TNS3: variants seen among roughly 807,000 people sequenced by gnomAD.
The protein encoded by TNS3 is tensin-3.
In TNS3, 45 loss-of-function variants were observed where a neutral mutation model predicts 140.9. That is an observed-to-expected ratio of 0.32 (90% CI 0.25 to 0.41). The LOEUF is 0.41. TNS3 is among the 10% of genes least tolerant of loss of function. TNS3 has a pLI of 1.00. For missense variants in TNS3, 1,716 were observed against 1,906.7 expected (o/e 0.90, Z 1.86); for synonymous variants, 815 against 788.4 (o/e 1.03, Z -0.56).
At chr7:47,422,319 G>T (rs376547911) in intron 10 of TNS3, among the ~76,000 whole-genome samples, 48 of 152,306 alleles carry the variant, frequency 3.2e-4, no homozygotes, top group Middle Eastern at 3.4e-3. Context: ...CCTGGGCATG[G>T]GAATGTGAGA....
At chr7:47,401,014 C>A (rs1793129721) in intron 13 of TNS3, 100 bp from the exon 14 acceptor site, 1 of 1,514,064 alleles carries the variant, frequency 6.6e-7, no homozygotes, top group South Asian at 1.2e-5. Context: ...CAGGGCCTCC[C>A]CTCTGGACTC....
intron 2 of TNS3, among the ~76,000 whole-genome samples, chr7:47,518,006 T>C (rs1798835605): frequency 6.6e-6 from 1 of 152,136 alleles, no homozygotes; most frequent in Admixed American, 6.5e-5. Flanking sequence ...CAGTCAACAA[T>C]AATCAATCAA....
intron 4 of TNS3, among the ~76,000 whole-genome samples, chr7:47,478,097 C>T (rs756813347): frequency 6.6e-6 from 1 of 152,214 alleles, no homozygotes; most frequent in Admixed American, 6.5e-5. Flanking sequence ...CCCAGAAAGG[C>T]AGGCATTTGC....
intron 23 of TNS3, among the ~76,000 whole-genome samples, chr7:47,298,819 C>T (rs1048671765): frequency 6.6e-6 from 1 of 152,248 alleles, no homozygotes; most frequent in Non-Finnish European, 1.5e-5. Context: ...TTTTCAATGT[C>T]TGCACCGTGG....
chr7:47,516,194 T>C (rs763702563), intron 2 of TNS3, among the ~76,000 whole-genome samples: 4 of 152,244 alleles, frequency 2.6e-5, no homozygotes, highest in Non-Finnish European at 5.9e-5. Context: ...GTGGTCTCTA[T>C]ATAGTCTATT....
chr7:47,307,692 T>C (rs2150744678), intron 20 of TNS3, among the ~76,000 whole-genome samples: 1 of 152,360 alleles, frequency 6.6e-6, no homozygotes, highest in South Asian at 2.1e-4. Flanking sequence ...CTTTATTAAT[T>C]ACTAATGATG....
At position 47,292,869 on chromosome 7, in the gene TNS3, G is replaced by A. The variant is rs373172661; in HGVS notation, c.3809C>T (p.Thr1270Met). The change falls in exon 26 of 31, where the codon ACG becomes ATG. Residue 1270 changes from threonine to methionine, a missense_variant. Thr to Met is a moderately conservative substitution (Grantham distance 81). This residue lies in a region of TNS3 where 216 missense variants were observed against 295.7 expected (regional missense o/e 0.73). Coordinates refer to ENST00000311160, the MANE Select transcript of TNS3 (RefSeq NM_022748.12). ...LTALVCQHSI[T>M]PLALPCKLLI... Reference sequence around the variant, plus strand: ...CAGCTTGCACGGCAAGGCCAAGGGCGTGATGGAATGCTGGCACACCAAGGC... The same window carrying A: ...CAGCTTGCACGGCAAGGCCAAGGGCATGATGGAATGCTGGCACACCAAGGC... 51 of 1,614,038 alleles carry A rather than the reference G, an allele frequency of 3.2e-5. No individual in the cohort carries two copies. Among genetic ancestry groups the A allele is most frequent in the Non-Finnish European group, 3.9e-5 (46 of 1,180,028 alleles).
At chr7:47,385,165 A>G (rs1792002821) in intron 16 of TNS3, among the ~76,000 whole-genome samples, 1 of 152,148 alleles carries the variant, frequency 6.6e-6, no homozygotes, top group African/African-American at 2.4e-5. Context: ...GGACACACTC[A>G]TGGTGCTCTC....
intron 16 of TNS3, among the ~76,000 whole-genome samples, chr7:47,393,534 T>A (rs932815405): frequency 6.6e-6 from 1 of 152,072 alleles, no homozygotes; most frequent in African/African-American, 2.4e-5. Context: ...CGGATACCAG[T>A]CCTGAGCTCG....
chr7:47,444,977 A>G (rs1002095231), intron 4 of TNS3, among the ~76,000 whole-genome samples: 1 of 152,192 alleles, frequency 6.6e-6, no homozygotes, highest in African/African-American at 2.4e-5. Flanking sequence ...GGGTTCCTGT[A>G]AAGTGTCCCA....
At chr7:47,303,609 G>A (rs766114197) in intron 21 of TNS3, 25 bp from the exon 22 acceptor site, 1 of 1,562,058 alleles carries the variant, frequency 6.4e-7, no homozygotes, top group Non-Finnish European at 8.6e-7. Flanking sequence ...AGCCGACCAA[G>A]ACAGCATGTA....
At chr7:47,470,127 C>T (rs542046710) in intron 4 of TNS3, among the ~76,000 whole-genome samples, 173 of 151,946 alleles carry the variant, frequency 1.1e-3, no homozygotes, top group Non-Finnish European at 2.0e-3. Context: ...GAAAACAAAA[C>T]ACCACATGTT....
At position 47,424,181 on chromosome 7, in the gene TNS3, G is replaced by A. The variant is rs752502736; in HGVS notation, c.393C>T (p.Ala131=). The change falls in exon 10 of 31, where the codon GCC becomes GCT. Residue 131 remains alanine (A), a synonymous_variant. Transcript: ENST00000311160. ...TTGCAAACCTGTCAAGGGCCTGGTC[G>A]GCGCTGAAGGGGAGAGAGAGAGAAA... The part of the protein sequence containing the change: ...YMHFTNVSAS[A]DQALDRFAMK... The A allele has an allele frequency of 3.3e-5, 53 of 1,613,954 alleles. No individual in the cohort carries two copies. Among genetic ancestry groups the A allele is most frequent in the East Asian group, 8.9e-5 (4 of 44,876 alleles).
intron 12 of TNS3, 121 bp from the exon 13 acceptor site, chr7:47,411,923 C>G (rs954513857): frequency 2.3e-6 from 2 of 878,812 alleles, no homozygotes; most frequent in Non-Finnish European, 3.5e-6. Context: ...GCCCAATCAG[C>G]CCAGAATCTA....
In TNS3 at chr7:47,484,505, T is replaced by G. The variant is rs113143008; in HGVS notation, c.-114-3364A>C. 2.0e-3 allele frequency among the ~76,000 whole-genome samples: 298 copies of G among 152,306 alleles called. 2 individuals are homozygous for G. The highest frequency in any genetic ancestry group is 6.8e-3 in the Middle Eastern group (2 of 294). On this transcript the variant is annotated intron_variant, in intron 3 of 30. Transcript: ENST00000311160. ...GAACCACAGGATGAGGCGGCCGGGC[T>G]GGGGATGCTCATACCGGCCTGCTCA...
intron 17 of TNS3, among the ~76,000 whole-genome samples, chr7:47,367,018 C>G (rs554169486): frequency 6.6e-6 from 1 of 152,336 alleles, no homozygotes; most frequent in South Asian, 2.1e-4. Flanking sequence ...GCAAAACACC[C>G]CAACGTGCCA....
intron 4 of TNS3, among the ~76,000 whole-genome samples, chr7:47,443,714 G>A (rs1795581341): frequency 6.6e-6 from 1 of 152,122 alleles, no homozygotes; most frequent in South Asian, 2.1e-4. Flanking sequence ...TTGAAGCCAG[G>A]AGTTCAAGAC....
intron 7 of TNS3, among the ~76,000 whole-genome samples, chr7:47,435,835 G>C (rs752397091): frequency 6.6e-6 from 1 of 152,194 alleles, no homozygotes; most frequent in Non-Finnish European, 1.5e-5. Context: ...ACACCTCAGA[G>C]ACAATCTCCT....
chr7:47,394,578 A>G (rs1393086454), intron 16 of TNS3, among the ~76,000 whole-genome samples: 1 of 152,212 alleles, frequency 6.6e-6, no homozygotes, highest in Non-Finnish European at 1.5e-5. Flanking sequence ...CATCTTCAGG[A>G]GACACTGCGG....
Sources: gnomAD v4.1 joint callset for allele counts (sites outside exome capture counted in the v4.1 genomes callset) on GRCh38, gnomAD v4.1.1 for gene constraint, gnomAD v4.1.1 regional missense constraint, MANE v1.5 for transcripts, NCBI Gene and HGNC (gene_info 2026-07-23, HGNC 2026-07-21) for gene names.